FXN: variants seen among roughly 807,000 people sequenced by gnomAD.
The protein encoded by FXN is frataxin, mitochondrial.
In FXN, 14 loss-of-function variants were observed where a neutral mutation model predicts 22.4. That is an observed-to-expected ratio of 0.62 (90% CI 0.41 to 0.98). The LOEUF is 0.98. Ranked by LOEUF, FXN falls within the 50% of genes least tolerant of loss-of-function variation. The pLI is 0.00. For synonymous variants in FXN, 120 were observed against 114.1 expected, an observed-to-expected ratio of 1.05 and a Z score of -0.33; for missense variants, 267 against 268.4, an observed-to-expected ratio of 0.99 and a Z score of 0.04.
At position 69,073,493 on chromosome 9, in the gene FXN, A is replaced by G; in HGVS notation, c.*731A>G. The G allele has an allele frequency of 2.0e-6, 2 of 985,534 alleles. No homozygotes were observed. Among genetic ancestry groups the G allele is most frequent in the Non-Finnish European group, 2.4e-6 (2 of 830,008 alleles). 61.0% of individuals were successfully genotyped at this position (985,534 alleles called of 1,614,324 possible). ...TCTTCCAAAGACAAGAAAAGAGGAA[A>G]AAAAGCCGTTTTCATGAGCTGAGTG... is the stretch of plus-strand genomic sequence containing the variant. On this transcript the variant is annotated 3_prime_UTR_variant, in exon 5 of 5. Transcript: ENST00000484259.
intron 4 of FXN, 151 bp from the exon 5 acceptor site, chr9:69,072,461 T>A: frequency 7.4e-7 from 1 of 1,350,018 alleles, no homozygotes; most frequent in Admixed American, 1.8e-5. Context: ...TCTTAGATGC[T>A]AAGATAAGAA....
chr9:69,040,997 TTG>T (rs1235073145), intron 1 of FXN, among the ~76,000 whole-genome samples: 1 of 152,196 alleles, frequency 6.6e-6, no homozygotes, highest in Non-Finnish European at 1.5e-5. Flanking sequence ...CACATTTCTA[TTG>T]TTTATAAGCC....
rs79152258 is a variant in FXN at position 69,057,153 on chromosome 9, G to A, written c.384+3893G>A. Among the ~76,000 whole-genome samples the A allele has an allele frequency of 4.8e-3, 736 of 152,272 alleles. 3 individuals are homozygous for A. In the Middle Eastern group the frequency reaches 0.051, roughly 11 times the overall value. On this transcript the variant is annotated intron_variant, in intron 3 of 4. Transcript: ENST00000484259. ...ATGGCAGTTAGGGAGGGAATAGAACGAGTCCTGTTTGAACTCCTTTCCCAT... is the reference window on the plus strand; with the variant it reads ...ATGGCAGTTAGGGAGGGAATAGAACAAGTCCTGTTTGAACTCCTTTCCCAT...
At chr9:69,045,164 T>A (rs1454862258) in intron 1 of FXN, among the ~76,000 whole-genome samples, 1 of 151,948 alleles carries the variant, frequency 6.6e-6, no homozygotes, top group Non-Finnish European at 1.5e-5. Context: ...TTATATTTTA[T>A]CTCATTAAAT....
At chr9:69,042,413 AT>A (rs2133097058) in intron 1 of FXN, among the ~76,000 whole-genome samples, 1 of 152,076 alleles carries the variant, frequency 6.6e-6, no homozygotes, top group African/African-American at 2.4e-5. Context: ...TACTTGGGGT[AT>A]TTCTGTTCTC....
In FXN at chr9:69,072,466, T is replaced by G. The variant is rs1832292224; in HGVS notation, c.483-146T>G. ...GTATAACTCTTCTTAGATGCTAAGATAAGAAGGCAGATATACACTAGCTCA... is the reference window on the plus strand; with the variant it reads ...GTATAACTCTTCTTAGATGCTAAGAGAAGAAGGCAGATATACACTAGCTCA... On this transcript the variant is annotated intron_variant, in intron 4 of 4. Coordinates refer to ENST00000484259, the MANE Select transcript of FXN (RefSeq NM_000144.5). 17 of 1,378,720 alleles carry G rather than the reference T, an allele frequency of 1.2e-5. No homozygotes were observed. In the South Asian group the frequency reaches 2.0e-4, roughly 16 times the overall value. The allele number at this position is 1,378,720 out of a possible 1,614,324, so 85.4% of individuals were successfully genotyped here.
rs572002477 is a variant in FXN at position 69,074,261 on chromosome 9, A to G, written c.*1499A>G. Reference sequence around the variant, plus strand: ...TACTGGGTTAATCGTATTATACCACATTACCTCATTTTAATTTTTACTGAC... The same window carrying G: ...TACTGGGTTAATCGTATTATACCACGTTACCTCATTTTAATTTTTACTGAC... On this transcript the variant is annotated 3_prime_UTR_variant, in exon 5 of 5. Transcript: ENST00000484259. 25 of 983,052 alleles carry G rather than the reference A, an allele frequency of 2.5e-5. No homozygotes were observed. The South Asian group carries it at 1.1e-3, about 43-fold the overall frequency. The allele number at this position is 983,052 out of a possible 1,614,324, so 60.9% of individuals were successfully genotyped here.
At chr9:69,057,603 T>C (rs1831983500) in intron 3 of FXN, among the ~76,000 whole-genome samples, 1 of 152,208 alleles carries the variant, frequency 6.6e-6, no homozygotes, top group East Asian at 1.9e-4. Flanking sequence ...ATTAACTACA[T>C]TGAAATGCTA....
chr9:69,060,094 C>T (rs535541342), intron 3 of FXN, among the ~76,000 whole-genome samples: 15 of 152,200 alleles, frequency 9.9e-5, no homozygotes, highest in South Asian at 4.1e-4. Context: ...ACCAGCCGGG[C>T]GTGGTGGCTC....
chr9:69,062,893 T>TA (rs78305955), intron 3 of FXN, among the ~76,000 whole-genome samples: 1,920 of 142,672 alleles, frequency 0.013, 20 homozygotes, highest in South Asian at 0.047. Context: ...ATAGTAAAAT[T>TA]AAAAAAAAAA....
chr9:69,073,039 A>C lies in FXN; in HGVS notation c.*277A>C. Reference sequence around the variant, plus strand: ...ATCTTTTATAATGTCTTATGCCTATACCTGAATATAACAACCTTTAAAAAA... The same window carrying C: ...ATCTTTTATAATGTCTTATGCCTATCCCTGAATATAACAACCTTTAAAAAA... On this transcript the variant is annotated 3_prime_UTR_variant, in exon 5 of 5. Coordinates refer to ENST00000484259, the MANE Select transcript of FXN (RefSeq NM_000144.5). 1 of 1,316,980 alleles carries C rather than the reference A, an allele frequency of 7.6e-7. No homozygotes were observed. The highest frequency in any genetic ancestry group is 9.7e-7 in the Non-Finnish European group (1 of 1,033,042). 81.6% of individuals were successfully genotyped at this position (1,316,980 alleles called of 1,614,324 possible).
At chr9:69,069,293 A>C (rs1256998336) in intron 4 of FXN, among the ~76,000 whole-genome samples, 1 of 152,180 alleles carries the variant, frequency 6.6e-6, no homozygotes, top group African/African-American at 2.4e-5. Context: ...TGAACCCAGG[A>C]GGCGAAGGTT....
At chr9:69,070,498 C>T (rs1056595082) in intron 4 of FXN, among the ~76,000 whole-genome samples, 1 of 152,154 alleles carries the variant, frequency 6.6e-6, no homozygotes, top group South Asian at 2.1e-4. Context: ...GGATGCAGAA[C>T]ACCAGCTGGT....
In FXN at chr9:69,073,581, T is replaced by C; in HGVS notation, c.*819T>C. 1 of 985,266 alleles carries C rather than the reference T, an allele frequency of 1.0e-6. No homozygotes were observed. Among genetic ancestry groups the C allele is most frequent in the Non-Finnish European group, 1.2e-6 (1 of 829,914 alleles). The allele number at this position is 985,266 out of a possible 1,614,324, so 61.0% of individuals were successfully genotyped here. A position where few individuals can be genotyped will look rare whatever the true frequency, so the allele number is the denominator to read the frequency against. ...TGCCTTGTAAACATGAAGGGGCAGA[T>C]AAAGGAAGGAGATACTCATGTTGAT... On this transcript the variant is annotated 3_prime_UTR_variant, in exon 5 of 5. Transcript: ENST00000484259.
chr9:69,064,047 G>C (rs891632882), intron 3 of FXN, among the ~76,000 whole-genome samples: 1 of 152,164 alleles, frequency 6.6e-6, no homozygotes, highest in African/African-American at 2.4e-5. Context: ...ATTGGATGGA[G>C]GCTCTAGAAT....
intron 1 of FXN, among the ~76,000 whole-genome samples, chr9:69,042,615 T>TTC (rs1357863242): frequency 6.6e-6 from 1 of 152,172 alleles, no homozygotes; most frequent in African/African-American, 2.4e-5. Context: ...GAAGAAAGAC[T>TTC]TCTACTTGTG....
intron 3 of FXN, among the ~76,000 whole-genome samples, chr9:69,058,574 C>G (rs1414791578): frequency 1.3e-5 from 2 of 150,322 alleles, no homozygotes; most frequent in Admixed American, 6.7e-5. Context: ...GTCCCTCTCC[C>G]AATAAAAACT....
chr9:69,049,885 A>G (rs1444467100), intron 2 of FXN, among the ~76,000 whole-genome samples: 1 of 152,186 alleles, frequency 6.6e-6, no homozygotes, highest in Admixed American at 6.5e-5. Flanking sequence ...GAAAAATAGT[A>G]TCTATAAGGA....
Position 69,035,765 on chromosome 9 carries a change from C to A in FXN, c.-18C>A. ...ACCCAGCGCTGGAGGGCGGAGCGGG[C>A]GGCAGACCCGGAGCAGCATGTGGAC... On this transcript the variant is annotated 5_prime_UTR_variant, in exon 1 of 5. Transcript: ENST00000484259. The A allele has an allele frequency of 6.7e-7, 1 of 1,495,212 alleles. No homozygotes were observed. The highest frequency in any genetic ancestry group is 8.9e-7 in the Non-Finnish European group (1 of 1,127,694). 92.6% of individuals were successfully genotyped at this position (1,495,212 alleles called of 1,614,324 possible).
Sources: allele counts gnomAD v4.1 joint callset (sites outside exome capture counted in the v4.1 genomes callset), GRCh38; gene constraint gnomAD v4.1.1; transcripts MANE v1.5; gene names NCBI Gene and HGNC (gene_info 2026-07-23, HGNC 2026-07-21).